TRPM8: variants seen among roughly 807,000 people sequenced by gnomAD.
TRPM8 encodes the protein TRPM8 cationic channel.
In TRPM8, 110 loss-of-function variants were observed where a neutral mutation model predicts 133.7. The ratio of observed to expected loss-of-function variants is 0.82; its 90% CI spans 0.70 to 0.96. TRPM8 has a LOEUF of 0.96. Among genes scored for constraint, TRPM8 ranks in the 40% least tolerant of loss-of-function variants. The pLI, the probability that TRPM8 is intolerant of heterozygous loss-of-function variation, is 0.00. For missense variants in TRPM8, 1,291 were observed against 1,379.5 expected, an observed-to-expected ratio of 0.94 and a Z score of 1.02; for synonymous variants, 535 against 532.3, an observed-to-expected ratio of 1.01 and a Z score of -0.07.
chr2:233,975,992 A>T (rs1178703437), intron 17 of TRPM8, among the ~76,000 whole-genome samples: 1 of 152,180 alleles, frequency 6.6e-6, no homozygotes, highest in Non-Finnish European at 1.5e-5. Flanking sequence ...TGGAAGGCAG[A>T]CCTTGGCCTG....
chr2:233,923,955 T>A (rs1691460216), intron 1 of TRPM8, among the ~76,000 whole-genome samples: 1 of 152,230 alleles, frequency 6.6e-6, no homozygotes, highest in Admixed American at 6.5e-5. Flanking sequence ...GGGAACATGC[T>A]GGGCAGAAAG....
intron 1 of TRPM8, among the ~76,000 whole-genome samples, chr2:233,923,898 A>G (rs1370522437): frequency 1.3e-5 from 2 of 152,250 alleles, no homozygotes; most frequent in Non-Finnish European, 2.9e-5. Flanking sequence ...AAAATTTCGG[A>G]CCAATATCTG....
At position 234,000,375 on chromosome 2, in the gene TRPM8, C is replaced by T. The variant is rs895316870; in HGVS notation, c.3130+3859C>T. 5.3e-5 allele frequency among the ~76,000 whole-genome samples: 8 copies of T among 152,222 alleles called. No homozygotes were observed. In the South Asian group the frequency reaches 1.7e-3, roughly 32 times the overall value. ...CTGCCTGCCTTGGCCTCCCAAAGTGCTGGGATTACAGGCATGAGCCACTGC... is the reference window on the plus strand; with the variant it reads ...CTGCCTGCCTTGGCCTCCCAAAGTGTTGGGATTACAGGCATGAGCCACTGC... On this transcript the variant is annotated intron_variant, in intron 22 of 25. Transcript: ENST00000324695.
intron 15 of TRPM8, among the ~76,000 whole-genome samples, chr2:233,968,606 G>C (rs369687122): frequency 6.6e-6 from 1 of 152,108 alleles, no homozygotes; most frequent in Admixed American, 6.5e-5. Flanking sequence ...CAAGGGCAGG[G>C]CAGGTGCCCA....
intron 18 of TRPM8, among the ~76,000 whole-genome samples, 170 bp from the exon 19 acceptor site, chr2:233,981,604 G>A (rs999696076): frequency 6.6e-6 from 1 of 152,016 alleles, no homozygotes; most frequent in African/African-American, 2.4e-5. Context: ...TCTACTTGAG[G>A]CCATGAAAGC....
intron 22 of TRPM8, 24 bp downstream of exon 22, chr2:233,996,540 T>C (rs750222140): frequency 6.2e-7 from 1 of 1,608,830 alleles, no homozygotes; most frequent in South Asian, 1.1e-5. Context: ...CCATGTGTAC[T>C]TGGGATCAGA....
intron 5 of TRPM8, among the ~76,000 whole-genome samples, chr2:233,940,269 G>A (rs769732425): frequency 2.7e-5 from 4 of 148,788 alleles, no homozygotes; most frequent in Non-Finnish European, 4.4e-5. Flanking sequence ...GAAACGTGTC[G>A]TAATCTAGAC....
chr2:233,952,055 C>T (rs1691182645), intron 9 of TRPM8, among the ~76,000 whole-genome samples: 1 of 152,168 alleles, frequency 6.6e-6, no homozygotes. Flanking sequence ...TCCTCAACTT[C>T]TCGAGAACTT....
At chr2:233,966,888 T>A in intron 15 of TRPM8, 133 bp downstream of exon 15, 2 of 1,212,536 alleles carry the variant, frequency 1.6e-6, no homozygotes, top group African/African-American at 1.5e-5. Flanking sequence ...AGTGGTTTGG[T>A]GATGATGTGG....
Position 233,964,760 on chromosome 2 carries a change from G to A in TRPM8, c.1879+3G>A. 6.2e-7 allele frequency: 1 copy of A among 1,610,192 alleles called. No individual in the cohort carries two copies. Among genetic ancestry groups the A allele is most frequent in the Non-Finnish European group, 8.5e-7 (1 of 1,177,334 alleles). ...TGAGTACGAGACCCGGGCTGTTGGT[G>A]AGTCCACAGTGTGGAATGCTGTGGT... On this transcript the variant is annotated splice_donor_region_variant and intron_variant, in intron 14 of 25. Coordinates refer to ENST00000324695, the MANE Select transcript of TRPM8 (RefSeq NM_024080.5).
intron 17 of TRPM8, among the ~76,000 whole-genome samples, chr2:233,977,020 G>T (rs560030295): frequency 6.6e-6 from 1 of 152,174 alleles, no homozygotes; most frequent in African/African-American, 2.4e-5. Context: ...ACCCAAGCAG[G>T]GTGTGACCTG....
intron 21 of TRPM8, among the ~76,000 whole-genome samples, chr2:233,988,645 C>T (rs1692205625): frequency 6.6e-6 from 1 of 152,134 alleles, no homozygotes; most frequent in Non-Finnish European, 1.5e-5. Context: ...TGCCAGGTGC[C>T]TGGGCCATGA....
chr2:234,017,452 A>T lies in TRPM8; in HGVS notation c.*196A>T, dbSNP rs1692984713. 2.2e-6 allele frequency: 1 copy of T among 447,566 alleles called. No individual in the cohort carries two copies. Among genetic ancestry groups the T allele is most frequent in the Non-Finnish European group, 4.6e-6 (1 of 217,804 alleles). The allele number at this position is 447,566 out of a possible 1,614,324, so 27.7% of individuals were successfully genotyped here. A position where few individuals can be genotyped will look rare whatever the true frequency, so the allele number is the denominator to read the frequency against. Reference sequence around the variant, plus strand: ...TGATTGGTTTCATACTTGAAGACGGATATAAAGGAAGAATATTTCCTTTAT... The same window carrying T: ...TGATTGGTTTCATACTTGAAGACGGTTATAAAGGAAGAATATTTCCTTTAT... On this transcript the variant is annotated 3_prime_UTR_variant, in exon 26 of 26. Coordinates refer to ENST00000324695, the MANE Select transcript of TRPM8 (RefSeq NM_024080.5).
At position 233,963,350 on chromosome 2, in the gene TRPM8, G is replaced by A; in HGVS notation, c.1722G>A (p.Lys574=). 6.2e-7 allele frequency: 1 copy of A among 1,613,132 alleles called. No individual in the cohort carries two copies. The highest frequency in any genetic ancestry group is 1.3e-5 in the African/African-American group (1 of 75,014). The change falls in exon 13 of 26, where the codon AAG becomes AAA. Residue 574 remains lysine, a synonymous_variant. Transcript: ENST00000324695. ...LFIWAILQNK[K]ELSKVIWEQT... The stretch of plus-strand genomic sequence containing the variant: ...TCTGGGCCATTCTTCAGAATAAGAA[G>A]GAACTCTCCAAAGTCATTTGGGAGC...
intron 18 of TRPM8, among the ~76,000 whole-genome samples, chr2:233,981,174 C>T (rs1022454673): frequency 2.6e-5 from 4 of 152,192 alleles, no homozygotes; most frequent in African/African-American, 9.6e-5. Context: ...GAGTGTTCGC[C>T]CTCCAATTTG....
chr2:234,015,950 T>C (rs1000368062), intron 25 of TRPM8, among the ~76,000 whole-genome samples: 14 of 152,192 alleles, frequency 9.2e-5, no homozygotes, highest in African/African-American at 2.9e-4. Context: ...GATACAAATC[T>C]AAAGGTGATT....
intron 23 of TRPM8, 119 bp downstream of exon 23, chr2:234,007,071 A>G (rs559103671): frequency 9.6e-4 from 632 of 659,660 alleles, no homozygotes; most frequent in Non-Finnish European, 1.4e-3. Flanking sequence ...GAATAATACC[A>G]CCACAAAGAT....
chr2:233,943,241 C>T (rs777247113), intron 6 of TRPM8, among the ~76,000 whole-genome samples: 2 of 151,884 alleles, frequency 1.3e-5, no homozygotes, highest in Admixed American at 6.6e-5. Context: ...GGTATATCTC[C>T]TAATGCTATC....
At chr2:233,949,869 C>T (rs1691131578) in intron 8 of TRPM8, 80 bp from the exon 9 acceptor site, 3 of 1,361,272 alleles carry the variant, frequency 2.2e-6, no homozygotes, top group East Asian at 2.3e-5. Context: ...TTTCCTCCAG[C>T]TTGGCTCAGA....
Sources: gnomAD v4.1 joint callset for allele counts (sites outside exome capture counted in the v4.1 genomes callset) on GRCh38, gnomAD v4.1.1 for gene constraint, MANE v1.5 for transcripts, NCBI Gene and HGNC (gene_info 2026-07-23, HGNC 2026-07-21) for gene names.